The following POC5 variants were observed in gnomAD, a reference collection of about 807,000 sequenced individuals.
The protein encoded by POC5 is centrosomal protein POC5.
POC5 carries 48 observed loss-of-function variants against 62.9 expected under a neutral mutation model. The ratio of observed to expected loss-of-function variants is 0.76; its 90% CI spans 0.61 to 0.97. The LOEUF (loss-of-function observed/expected upper bound fraction) is 0.97, where lower values mean the gene tolerates loss of function less well. Ranked by LOEUF, POC5 falls within the 50% of genes least tolerant of loss-of-function variation. POC5 has a pLI of 0.00. For synonymous variants in POC5, 236 were observed against 228.2 expected (o/e 1.03, Z -0.31); for missense variants, 696 against 679.5 (o/e 1.02, Z -0.27).
intron 7 of POC5, among the ~76,000 whole-genome samples, chr5:75,691,964 A>C (rs993325006): frequency 6.6e-6 from 1 of 152,186 alleles, no homozygotes; most frequent in African/African-American, 2.4e-5. Flanking sequence ...GCAAGTCTAC[A>C]TAACAAACAT....
In POC5 at chr5:75,706,466, C is replaced by T. The variant is rs145877734; in HGVS notation, c.224-679G>A. 9.9e-5 allele frequency among the ~76,000 whole-genome samples: 15 copies of T among 152,172 alleles called. 2 individuals carry two copies. The highest frequency in any genetic ancestry group is 3.6e-4 in the African/African-American group (15 of 41,526). On this transcript the variant is annotated intron_variant, in intron 3 of 11. Coordinates refer to ENST00000428202, the MANE Select transcript of POC5 (RefSeq NM_001099271.2). ...AATCTCAAATCCTTTTTGGAAATGGCAGAGAATAAATAAATGCTATCTTAC... is the reference window on the plus strand; with the variant it reads ...AATCTCAAATCCTTTTTGGAAATGGTAGAGAATAAATAAATGCTATCTTAC...
At chr5:75,712,608 TCTTA>T in intron 2 of POC5, 1 of 794,446 alleles carries the variant, frequency 1.3e-6, no homozygotes, top group Middle Eastern at 2.2e-4. Context: ...TTGTTTCACC[TCTTA>T]CTGTGTTGGT....
chr5:75,715,551 G>A (rs549906913), intron 1 of POC5, among the ~76,000 whole-genome samples: 1 of 152,138 alleles, frequency 6.6e-6, no homozygotes, highest in Non-Finnish European at 1.5e-5. Context: ...AGAACAGCAC[G>A]GGGGAAATCG....
chr5:75,700,627 C>T (rs1157843570), intron 5 of POC5, among the ~76,000 whole-genome samples: 24 of 143,684 alleles, frequency 1.7e-4, no homozygotes, highest in African/African-American at 2.5e-4. Context: ...TAGAAGAAAA[C>T]CTAGGCATTA....
intron 6 of POC5, among the ~76,000 whole-genome samples, chr5:75,692,965 C>T (rs1022552034): frequency 1.3e-5 from 2 of 149,852 alleles, no homozygotes; most frequent in Non-Finnish European, 3.0e-5. Context: ...ATTAAACAAA[C>T]CTATAAAAGC....
At chr5:75,683,987 A>G (rs965532713) in intron 10 of POC5, among the ~76,000 whole-genome samples, 1 of 152,190 alleles carries the variant, frequency 6.6e-6, no homozygotes, top group African/African-American at 2.4e-5. Context: ...TACAGGTGTG[A>G]GCCAATATGC....
chr5:75,691,708 CAT>C (rs146150795), intron 7 of POC5, among the ~76,000 whole-genome samples: 8 of 150,686 alleles, frequency 5.3e-5, no homozygotes, highest in African/African-American at 9.7e-5. Context: ...ACATGGAAAG[CAT>C]ATATATATAT....
intron 10 of POC5, among the ~76,000 whole-genome samples, chr5:75,683,540 AACTG>A (rs1416439849): frequency 1.3e-5 from 2 of 151,782 alleles, no homozygotes; most frequent in East Asian, 1.9e-4. Flanking sequence ...GCTTTTTTTA[AACTG>A]ACTAACTAAT....
At chr5:75,701,866 G>A (rs1026820213) in intron 5 of POC5, among the ~76,000 whole-genome samples, 1 of 151,986 alleles carries the variant, frequency 6.6e-6, no homozygotes, top group Admixed American at 6.6e-5. Flanking sequence ...CTATAGGAGT[G>A]GCTATAAAAT....
intron 2 of POC5, 83 bp downstream of exon 2, chr5:75,712,771 A>C (rs1777402889): frequency 5.5e-6 from 6 of 1,096,448 alleles, no homozygotes; most frequent in Non-Finnish European, 7.9e-6. Flanking sequence ...GGATGAAAAA[A>C]TTATTAAAAA....
In POC5 at chr5:75,685,029, G is replaced by A. The variant is rs577525218; in HGVS notation, c.1407+178C>T. 4.0e-5 allele frequency among the ~76,000 whole-genome samples: 6 copies of A among 151,880 alleles called. No homozygotes were observed. In the South Asian group the frequency reaches 6.2e-4, roughly 16 times the overall value. On this transcript the variant is annotated intron_variant, in intron 10 of 11. Coordinates refer to ENST00000428202, the MANE Select transcript of POC5 (RefSeq NM_001099271.2). ...ACTACAGGCGGCTGCCACCACACCCGGCTAATTTTTCGTATTTTTAGTAGA... is the reference window on the plus strand; with the variant it reads ...ACTACAGGCGGCTGCCACCACACCCAGCTAATTTTTCGTATTTTTAGTAGA...
At chr5:75,709,310 T>C (rs1181246352) in intron 2 of POC5, among the ~76,000 whole-genome samples, 1 of 152,242 alleles carries the variant, frequency 6.6e-6, no homozygotes, top group Non-Finnish European at 1.5e-5. Context: ...TTTTTGTTAG[T>C]GATGTCACCT....
intron 3 of POC5, among the ~76,000 whole-genome samples, 184 bp from the exon 4 acceptor site, chr5:75,705,971 C>T (rs758601413): frequency 2.0e-5 from 3 of 151,454 alleles, no homozygotes; most frequent in Non-Finnish European, 4.4e-5. Context: ...TAGAAAAAGA[C>T]TTACTATATC....
At chr5:75,692,727 G>A (rs1280299628) in intron 6 of POC5, among the ~76,000 whole-genome samples, 1 of 152,038 alleles carries the variant, frequency 6.6e-6, no homozygotes, top group Admixed American at 6.6e-5. Context: ...TCTTCATTAT[G>A]TGTATATGGT....
chr5:75,690,601 A>G, intron 7 of POC5, 39 bp from the exon 8 acceptor site: 1 of 1,425,566 alleles, frequency 7.0e-7, no homozygotes, highest in East Asian at 2.5e-5. Context: ...AACACAGTTG[A>G]TTGATAAATA....
intron 6 of POC5, among the ~76,000 whole-genome samples, chr5:75,693,625 CA>C (rs5868784): frequency 3.3e-5 from 5 of 151,752 alleles, no homozygotes; most frequent in Non-Finnish European, 5.9e-5. Context: ...TCCATTGTTT[CA>C]AAAAAAATTC....
chr5:75,701,695 A>G (rs1776891499), intron 5 of POC5, among the ~76,000 whole-genome samples: 1 of 151,282 alleles, frequency 6.6e-6, no homozygotes, highest in Non-Finnish European at 1.5e-5. Flanking sequence ...CATTGTGTAC[A>G]TGTACCCTAA....
intron 5 of POC5, among the ~76,000 whole-genome samples, chr5:75,697,713 A>G (rs1301088373): frequency 6.6e-6 from 1 of 152,108 alleles, no homozygotes; most frequent in Non-Finnish European, 1.5e-5. Context: ...ATTCACACAT[A>G]ACAATATTAA....
At chr5:75,675,010 A>C (rs1224595368) in intron 11 of POC5, among the ~76,000 whole-genome samples, 1 of 152,114 alleles carries the variant, frequency 6.6e-6, no homozygotes, top group Non-Finnish European at 1.5e-5. Flanking sequence ...TTATCTCACA[A>C]TCCCAGGGGC....
Sources: allele counts gnomAD v4.1 joint callset (sites outside exome capture counted in the v4.1 genomes callset), GRCh38; gene constraint gnomAD v4.1.1; transcripts MANE v1.5; gene names NCBI Gene and HGNC (gene_info 2026-07-23, HGNC 2026-07-21).